Variants in PARN observed in about 807,000 individuals in gnomAD.
PARN encodes the protein poly(A)-specific ribonuclease PARN.
A neutral mutation model predicts 102.8 loss-of-function variants in PARN; 71 were observed. That is an observed-to-expected ratio of 0.69 (90% CI 0.57 to 0.84). The LOEUF (loss-of-function observed/expected upper bound fraction) is 0.84, where lower values mean the gene tolerates loss of function less well. Among genes scored for constraint, PARN ranks in the 40% least tolerant of loss-of-function variants. The pLI, the probability that PARN is intolerant of heterozygous loss-of-function variation, is 0.00. For missense variants in PARN, 782 were observed against 760.9 expected (o/e 1.03, Z -0.33); for synonymous variants, 261 against 252.9 (o/e 1.03, Z -0.30).
chr16:14,582,453 A>G (rs531236401), intron 16 of PARN, among the ~76,000 whole-genome samples, 162 bp from the exon 17 acceptor site: 2 of 152,290 alleles, frequency 1.3e-5, no homozygotes, highest in East Asian at 1.9e-4. Flanking sequence ...AAAATACAAG[A>G]TAACAGAGTC....
chr16:14,594,648 G>A lies in PARN; in HGVS notation c.841-1270C>T, dbSNP rs534075255. Among the ~76,000 whole-genome samples the A allele has an allele frequency of 5.3e-5, 8 of 152,160 alleles. No individual in the cohort carries two copies. The East Asian group carries it at 1.2e-3, about 22-fold the overall frequency. On this transcript the variant is annotated intron_variant, in intron 12 of 23. Transcript: ENST00000437198. ...AAAGAATGGCTTGAACCCAGGAGGC[G>A]GAGGTTGCAGTGAGCTGAGATCGCA... is the stretch of plus-strand genomic sequence containing the variant.
chr16:14,542,946 G>A (rs1335782530), intron 21 of PARN, among the ~76,000 whole-genome samples: 2 of 152,162 alleles, frequency 1.3e-5, no homozygotes, highest in Non-Finnish European at 2.9e-5. Flanking sequence ...CAAATCCTGT[G>A]AAAACTATGA....
rs1212341179 is a variant in PARN, at chr16:14,627,137, C to G, written c.296G>C (p.Arg99Thr). ...AACAAATTTGACATCTGGTGAGGATCTATTGAAGGGTTTCGGGAAAACATA... is the reference window on the plus strand; with the variant it reads ...AACAAATTTGACATCTGGTGAGGATGTATTGAAGGGTTTCGGGAAAACATA... ...NFYVFPKPFN[R>T]SSPDVKFVCQ... The change falls in exon 5 of 24, where the codon AGA becomes ACA. Residue 99 changes from arginine (R) to threonine (T), a missense_variant. Transcript: ENST00000437198. 5.0e-6 allele frequency: 8 copies of G among 1,605,194 alleles called. No homozygotes were observed. Among genetic ancestry groups the G allele is most frequent in the Non-Finnish European group, 6.8e-6 (8 of 1,173,068 alleles).
At chr16:14,545,810 A>G (rs574614336) in intron 21 of PARN, among the ~76,000 whole-genome samples, 1 of 152,340 alleles carries the variant, frequency 6.6e-6, no homozygotes, top group South Asian at 2.1e-4. Context: ...GTAAGATATT[A>G]ATATGTTGAC....
intron 13 of PARN, chr16:14,591,815 A>ATCAGGAGG (rs1207396435): frequency 6.6e-6 from 1 of 152,242 alleles, no homozygotes; most frequent in African/African-American, 2.4e-5. Context: ...AGGCGGGCAG[A>ATCAGGAGG]TCAGGAGGTC....
chr16:14,455,771 G>A (rs1294816340), intron 22 of PARN, among the ~76,000 whole-genome samples: 2 of 152,178 alleles, frequency 1.3e-5, no homozygotes, highest in Admixed American at 1.3e-4. Context: ...CAAGAATGAC[G>A]TGATTGGAAT....
At chr16:14,558,355 G>A (rs949052101) in intron 18 of PARN, 1 of 152,064 alleles carries the variant, frequency 6.6e-6, no homozygotes, top group African/African-American at 2.4e-5. Flanking sequence ...AAAAATTAGT[G>A]GGTATGGTGG....
intron 22 of PARN, among the ~76,000 whole-genome samples, chr16:14,451,899 A>AAAAAGAC (rs1961479508): frequency 6.9e-6 from 1 of 145,188 alleles, no homozygotes; most frequent in Non-Finnish European, 1.5e-5. Context: ...AAAATACAAA[A>AAAAAGAC]AATTAGCCAG....
chr16:14,599,037 CTTTTTTTTT>C (rs71150194), intron 12 of PARN, among the ~76,000 whole-genome samples: 10 of 81,462 alleles, frequency 1.2e-4, no homozygotes, highest in Non-Finnish European at 1.8e-4. Context: ...TTCTCCTCTT[CTTTTTTTTT>C]TTTTTTTTTT....
chr16:14,558,336 A>G (rs1967834861), intron 18 of PARN: 1 of 152,104 alleles, frequency 6.6e-6, no homozygotes, highest in South Asian at 2.1e-4. Context: ...TGTCTCTACT[A>G]AAAATACAAA....
intron 22 of PARN, among the ~76,000 whole-genome samples, chr16:14,453,908 A>G (rs913598448): frequency 1.6e-4 from 24 of 152,224 alleles, no homozygotes; most frequent in Admixed American, 1.1e-3. Context: ...TATTAAAAAC[A>G]TAAGTTTTTA....
intron 13 of PARN, among the ~76,000 whole-genome samples, chr16:14,589,881 G>A (rs1040860654): frequency 3.4e-4 from 51 of 149,330 alleles, no homozygotes; most frequent in Admixed American, 3.1e-3. Context: ...AAAAAGGTGC[G>A]AAAGTGAAGA....
intron 21 of PARN, among the ~76,000 whole-genome samples, chr16:14,510,029 A>G (rs1020386045): frequency 6.6e-6 from 1 of 152,180 alleles, no homozygotes; most frequent in African/African-American, 2.4e-5. Flanking sequence ...CCAACAGAAC[A>G]ATGGCAAAAA....
intron 18 of PARN, among the ~76,000 whole-genome samples, chr16:14,559,970 C>T (rs868717014): frequency 6.6e-6 from 1 of 152,190 alleles, no homozygotes; most frequent in South Asian, 2.1e-4. Context: ...TCCCAACGGC[C>T]TCCCACCGTC....
chr16:14,604,449 C>T lies in PARN; in HGVS notation c.703-223G>A, dbSNP rs140473223. Among the ~76,000 whole-genome samples, 1,255 of 152,014 alleles carry T rather than the reference C, an allele frequency of 8.3e-3. 20 individuals are homozygous for T. The highest frequency in any genetic ancestry group is 0.028 in the African/African-American group (1,175 of 41,444). On this transcript the variant is annotated intron_variant, in intron 10 of 23. Transcript: ENST00000437198. ...CTAATTTTTGTATTTTTAGTAGAGA[C>T]GGAGTTTCTCCATGTTGGTCAGGCT... is the stretch of plus-strand genomic sequence containing the variant.
intron 22 of PARN, among the ~76,000 whole-genome samples, chr16:14,453,851 T>C (rs963189843): frequency 3.9e-5 from 6 of 152,210 alleles, no homozygotes; most frequent in Non-Finnish European, 7.3e-5. Flanking sequence ...CTATTTGTCA[T>C]TACAAATAAT....
chr16:14,587,245 T>C (rs549327242), intron 13 of PARN, among the ~76,000 whole-genome samples: 2 of 152,310 alleles, frequency 1.3e-5, no homozygotes, highest in African/African-American at 4.8e-5. Context: ...GCGATTTCAA[T>C]GCAACGTCAA....
chr16:14,481,021 T>G (rs1278921656), intron 22 of PARN, among the ~76,000 whole-genome samples: 2 of 152,134 alleles, frequency 1.3e-5, no homozygotes, highest in African/African-American at 4.8e-5. Context: ...GTGGAGCAAC[T>G]GAAACTCACA....
intron 17 of PARN, 93 bp from the exon 18 acceptor site, chr16:14,581,036 G>T: frequency 1.4e-6 from 1 of 706,842 alleles, no homozygotes; most frequent in Non-Finnish European, 2.5e-6. Context: ...TAACAGCATG[G>T]TTCAACAAGT....
Sources: gnomAD v4.1 joint callset for allele counts (sites outside exome capture counted in the v4.1 genomes callset) on GRCh38, gnomAD v4.1.1 for gene constraint, MANE v1.5 for transcripts, NCBI Gene and HGNC (gene_info 2026-07-23, HGNC 2026-07-21) for gene names.